The following HPSE2 variants were observed in gnomAD, a reference collection of about 807,000 sequenced individuals.
HPSE2 encodes the protein heparanase 2 (inactive), also known as inactive heparanase-2.
A neutral mutation model predicts 60.5 loss-of-function variants in HPSE2; 38 were observed. That is an observed-to-expected ratio of 0.63 (90% CI 0.48 to 0.82). HPSE2 has a LOEUF of 0.82. Among genes scored for constraint, HPSE2 ranks in the 40% least tolerant of loss-of-function variants. HPSE2 has a pLI of 0.00. For missense variants in HPSE2, 713 were observed against 740.4 expected, an observed-to-expected ratio of 0.96 and a Z score of 0.43; for synonymous variants, 295 against 293.2, an observed-to-expected ratio of 1.01 and a Z score of -0.06.
chr10:98,723,871 C>G (rs1476059094), intron 4 of HPSE2, among the ~76,000 whole-genome samples: 3 of 152,030 alleles, frequency 2.0e-5, no homozygotes, highest in Non-Finnish European at 4.4e-5. Context: ...CTTTATTAGT[C>G]TTGCTAGCGG....
intron 3 of HPSE2, among the ~76,000 whole-genome samples, chr10:98,959,814 T>G (rs1955604537): frequency 6.6e-6 from 1 of 152,102 alleles, no homozygotes; most frequent in Non-Finnish European, 1.5e-5. Context: ...AAGCTCATTT[T>G]TACATCTAGA....
intron 3 of HPSE2, among the ~76,000 whole-genome samples, chr10:99,096,827 T>C (rs918393032): frequency 6.6e-6 from 1 of 152,152 alleles, no homozygotes; most frequent in Non-Finnish European, 1.5e-5. Context: ...GGACTTTCTA[T>C]GTTCAGGAGC....
intron 3 of HPSE2, among the ~76,000 whole-genome samples, chr10:98,869,012 C>CTG (rs965207907): frequency 5.3e-5 from 8 of 151,704 alleles, no homozygotes; most frequent in Non-Finnish European, 1.2e-4. Flanking sequence ...GTGCATGTCT[C>CTG]TGTGTGTGTG....
chr10:98,461,450 A>C (rs558273568), intron 11 of HPSE2, among the ~76,000 whole-genome samples: 1 of 152,352 alleles, frequency 6.6e-6, no homozygotes, highest in East Asian at 1.9e-4. Context: ...TCAGATATGC[A>C]AGGAGCTTTT....
chr10:98,914,937 C>A (rs181279033), intron 3 of HPSE2, among the ~76,000 whole-genome samples: 1 of 151,122 alleles, frequency 6.6e-6, no homozygotes, highest in East Asian at 2.0e-4. Flanking sequence ...TAAAACTTTC[C>A]GAAGATAAAG....
rs527718175 is a variant in HPSE2, at chr10:99,094,124, G to A, written c.610+50114C>T. 2.6e-4 allele frequency among the ~76,000 whole-genome samples: 40 copies of A among 152,058 alleles called. No homozygotes were observed. In the East Asian group the frequency reaches 7.4e-3, roughly 28 times the overall value. ...TTTTCCAGAAATTTTATAATTTAAA[G>A]TTGCTTATATTTTCCATTTGACCCA... On this transcript the variant is annotated intron_variant, in intron 3 of 11. Coordinates refer to ENST00000370552, the MANE Select transcript of HPSE2 (RefSeq NM_021828.5).
At chr10:98,785,675 A>G (rs1428791172) in intron 3 of HPSE2, among the ~76,000 whole-genome samples, 4 of 147,412 alleles carry the variant, frequency 2.7e-5, no homozygotes, top group Non-Finnish European at 6.0e-5. Flanking sequence ...GTCTTAGGAG[A>G]GTGTATGTGT....
At chr10:98,950,515 CT>C (rs1322323555) in intron 3 of HPSE2, among the ~76,000 whole-genome samples, 1 of 152,048 alleles carries the variant, frequency 6.6e-6, no homozygotes, top group African/African-American at 2.4e-5. Context: ...TGATGCTATC[CT>C]TTTTGAAAAA....
At chr10:99,006,853 T>C (rs913351466) in intron 3 of HPSE2, among the ~76,000 whole-genome samples, 7 of 151,952 alleles carry the variant, frequency 4.6e-5, no homozygotes, top group Non-Finnish European at 1.0e-4. Context: ...AAGTCAGGCC[T>C]GGAGCCAAGG....
intron 6 of HPSE2, among the ~76,000 whole-genome samples, chr10:98,653,228 T>A (rs1022976640): frequency 6.6e-6 from 1 of 152,204 alleles, no homozygotes; most frequent in African/African-American, 2.4e-5. Flanking sequence ...ACTTTTAACC[T>A]ATCTGAGTCT....
chr10:99,269,836 C>T, the HPSE2 span, among the ~76,000 whole-genome samples: 10 of 152,114 alleles, frequency 6.6e-5, no homozygotes, highest in Non-Finnish European at 1.2e-4. Flanking sequence ...CCCTCAAAAC[C>T]ATGCAAATAT....
At chr10:98,976,366 CACA>C (rs998718700) in intron 3 of HPSE2, among the ~76,000 whole-genome samples, 1 of 152,152 alleles carries the variant, frequency 6.6e-6, no homozygotes, top group African/African-American at 2.4e-5. Flanking sequence ...ATTTAATCCT[CACA>C]ACAAGTACAA....
intron 6 of HPSE2, among the ~76,000 whole-genome samples, chr10:98,657,957 G>A (rs1340355628): frequency 6.6e-6 from 1 of 152,104 alleles, no homozygotes; most frequent in African/African-American, 2.4e-5. Flanking sequence ...AGAGTACTTC[G>A]CAGATAACAA....
chr10:98,674,984 T>A (rs189523465), intron 6 of HPSE2, among the ~76,000 whole-genome samples: 3 of 152,340 alleles, frequency 2.0e-5, no homozygotes, highest in African/African-American at 7.2e-5. Context: ...TACAACATAC[T>A]AAACATTTAG....
chr10:99,032,632 G>A lies in HPSE2; in HGVS notation c.610+111606C>T, dbSNP rs1198599001. ...TATAACAAATTACCACAAACTTCAT[G>A]GCTTAAACAATACAAACTGGTCTTA... On this transcript the variant is annotated intron_variant, in intron 3 of 11. Coordinates refer to ENST00000370552, the MANE Select transcript of HPSE2 (RefSeq NM_021828.5). Among the ~76,000 whole-genome samples the A allele has an allele frequency of 3.3e-5, 5 of 152,098 alleles. No homozygotes were observed. In the East Asian group the frequency reaches 7.7e-4, roughly 23 times the overall value.
chr10:98,694,815 G>T (rs1362331561), intron 5 of HPSE2, among the ~76,000 whole-genome samples: 1 of 152,170 alleles, frequency 6.6e-6, no homozygotes, highest in African/African-American at 2.4e-5. Context: ...CTAGTTGAGG[G>T]AGTCATTACC....
At position 98,937,754 on chromosome 10, in the gene HPSE2, C is replaced by G. The variant is rs1181241446; in HGVS notation, c.611-193698G>C. ...GAGCAGTGGTTCTCCCAGCACGCAGCTGGAGATCTGAGAACGGGCAGACTG... is the reference window on the plus strand; with the variant it reads ...GAGCAGTGGTTCTCCCAGCACGCAGGTGGAGATCTGAGAACGGGCAGACTG... On this transcript the variant is annotated intron_variant, in intron 3 of 11. Coordinates refer to ENST00000370552, the MANE Select transcript of HPSE2 (RefSeq NM_021828.5). Among the ~76,000 whole-genome samples the G allele has an allele frequency of 2.1e-5, 3 of 141,474 alleles. 1 individual carries two copies. The highest frequency in any genetic ancestry group is 2.0e-4 in the East Asian group (1 of 4,984). 92.8% of individuals were successfully genotyped at this position (141,474 alleles called of 152,430 possible).
the HPSE2 span, among the ~76,000 whole-genome samples, chr10:99,257,525 A>G: frequency 1.9e-3 from 289 of 152,306 alleles, 2 homozygotes; most frequent in African/African-American, 6.8e-3. Flanking sequence ...CAGGCTTATT[A>G]GGACGAGGAA....
chr10:98,756,024 T>C (rs994653606), intron 3 of HPSE2, among the ~76,000 whole-genome samples: 2 of 151,644 alleles, frequency 1.3e-5, no homozygotes, highest in Non-Finnish European at 2.9e-5. Flanking sequence ...AAAAAAGATC[T>C]CTCAAAACCA....
Sources: allele counts gnomAD v4.1 joint callset (sites outside exome capture counted in the v4.1 genomes callset), GRCh38; gene constraint gnomAD v4.1.1; transcripts MANE v1.5; gene names NCBI Gene and HGNC (gene_info 2026-07-23, HGNC 2026-07-21).